The following OSBPL10 variants were observed in gnomAD, a reference collection of about 807,000 sequenced individuals.
OSBPL10 encodes oxysterol-binding protein-related protein 10.
OSBPL10 carries 49 observed loss-of-function variants against 81.7 expected under a neutral mutation model. That is an observed-to-expected ratio of 0.60 (90% CI 0.48 to 0.76). The LOEUF is 0.76. Ranked by LOEUF, OSBPL10 falls within the 30% of genes least tolerant of loss-of-function variation. The pLI, the probability that OSBPL10 is intolerant of heterozygous loss-of-function variation, is 0.00. For missense variants in OSBPL10, 923 were observed against 987.8 expected, an observed-to-expected ratio of 0.93 and a Z score of 0.88; for synonymous variants, 419 against 383.6, an observed-to-expected ratio of 1.09 and a Z score of -1.08.
intron 1 of OSBPL10, among the ~76,000 whole-genome samples, chr3:31,951,629 AAT>A (rs1697871260): frequency 6.6e-6 from 1 of 151,410 alleles, no homozygotes. Flanking sequence ...ATATTTTTCA[AAT>A]ATTAGAAAAA....
intron 4 of OSBPL10, among the ~76,000 whole-genome samples, chr3:31,784,737 C>T (rs769333716): frequency 3.9e-5 from 6 of 152,036 alleles, no homozygotes; most frequent in Admixed American, 6.6e-5. Flanking sequence ...CATGCACCAC[C>T]ATGCACAGCT....
intron 9 of OSBPL10, 105 bp from the exon 10 acceptor site, chr3:31,668,929 A>G: frequency 1.9e-6 from 2 of 1,049,642 alleles, no homozygotes; most frequent in Non-Finnish European, 1.3e-6. Context: ...CAGAAATGGG[A>G]AGGAGGGATT....
At chr3:31,833,735 ACACTCT>A (rs1057175546) in intron 3 of OSBPL10, among the ~76,000 whole-genome samples, 1 of 149,654 alleles carries the variant, frequency 6.7e-6, no homozygotes, top group African/African-American at 2.5e-5. Context: ...ACACACACAC[ACACTCT>A]CTCTCTCTTC....
chr3:31,880,011 C>G (rs1329516294), intron 1 of OSBPL10, among the ~76,000 whole-genome samples, 181 bp from the exon 2 acceptor site: 2 of 152,322 alleles, frequency 1.3e-5, no homozygotes, highest in African/African-American at 4.8e-5. Context: ...GCACTGGATT[C>G]TTAAATCAGA....
intron 4 of OSBPL10, among the ~76,000 whole-genome samples, chr3:31,753,644 A>G (rs978726766): frequency 1.3e-5 from 2 of 152,154 alleles, no homozygotes; most frequent in Non-Finnish European, 2.9e-5. Context: ...TCATTACAGG[A>G]ACTTCCCCAA....
chr3:31,835,361 C>T (rs567255658), intron 3 of OSBPL10, among the ~76,000 whole-genome samples: 1 of 147,478 alleles, frequency 6.8e-6, no homozygotes, highest in South Asian at 2.3e-4. Context: ...AACAAAGTTC[C>T]AAATAGAAAA....
chr3:32,069,454 T>C (rs998093015), intron 1 of OSBPL10, among the ~76,000 whole-genome samples: 4 of 152,138 alleles, frequency 2.6e-5, no homozygotes, highest in South Asian at 2.1e-4. Flanking sequence ...AGGCAGCTTA[T>C]AAGCTGTTAA....
chr3:31,751,014 A>G (rs1697699366), intron 4 of OSBPL10, among the ~76,000 whole-genome samples: 1 of 152,086 alleles, frequency 6.6e-6, no homozygotes, highest in African/African-American at 2.4e-5. Context: ...GCTCTCTAAA[A>G]AAGCATTCAG....
At chr3:31,702,598 A>C (rs1262327678) in intron 6 of OSBPL10, 90 bp from the exon 7 acceptor site, 2 of 1,547,212 alleles carry the variant, frequency 1.3e-6, no homozygotes, top group East Asian at 4.5e-5. Flanking sequence ...CAATGACAGA[A>C]GAAACCCAAT....
At chr3:31,666,558 C>A (rs866786025) in intron 10 of OSBPL10, among the ~76,000 whole-genome samples, 41 of 152,150 alleles carry the variant, frequency 2.7e-4, no homozygotes, top group Middle Eastern at 3.2e-3. Context: ...ACCAGCCACT[C>A]CACTCCTCAA....
chr3:31,995,149 T>C (rs1436822838), intron 2 of OSBPL10, among the ~76,000 whole-genome samples: 2 of 152,218 alleles, frequency 1.3e-5, no homozygotes, highest in African/African-American at 4.8e-5. Flanking sequence ...GTGCACGTAT[T>C]GTCTTGATAA....
chr3:31,670,234 C>A (rs372770152), intron 9 of OSBPL10, among the ~76,000 whole-genome samples: 1 of 152,172 alleles, frequency 6.6e-6, no homozygotes, highest in South Asian at 2.1e-4. Flanking sequence ...TTTGTTTGTA[C>A]AGTATATCTT....
intron 8 of OSBPL10, among the ~76,000 whole-genome samples, chr3:31,672,146 T>C (rs1700338388): frequency 6.6e-6 from 1 of 151,826 alleles, no homozygotes; most frequent in African/African-American, 2.4e-5. Flanking sequence ...GGTCAATGGC[T>C]CCCACATGAG....
intron 6 of OSBPL10, among the ~76,000 whole-genome samples, chr3:31,708,338 T>C (rs971890686): frequency 3.3e-5 from 5 of 152,194 alleles, no homozygotes; most frequent in Non-Finnish European, 7.3e-5. Context: ...TTCCAATATG[T>C]ACAGCATATT....
intron 1 of OSBPL10, among the ~76,000 whole-genome samples, chr3:32,071,803 A>G (rs1278056967): frequency 6.6e-6 from 1 of 152,158 alleles, no homozygotes; most frequent in Non-Finnish European, 1.5e-5. Context: ...CCAGACTTCA[A>G]TCCAGCCTCC....
intron 1 of OSBPL10, among the ~76,000 whole-genome samples, chr3:32,072,228 A>G (rs989547848): frequency 7.2e-5 from 11 of 152,240 alleles, no homozygotes; most frequent in African/African-American, 2.4e-4. Context: ...TTTAATAAAA[A>G]TGCTTCTCAA....
At chr3:31,972,549 A>C (rs1698593878) in intron 1 of OSBPL10, among the ~76,000 whole-genome samples, 1 of 152,158 alleles carries the variant, frequency 6.6e-6, no homozygotes, top group Non-Finnish European at 1.5e-5. Flanking sequence ...CATTTGCATC[A>C]GTCACCTAAT....
chr3:31,782,629 A>G (rs2125772433), intron 4 of OSBPL10, among the ~76,000 whole-genome samples: 1 of 152,362 alleles, frequency 6.6e-6, no homozygotes, highest in South Asian at 2.1e-4. Context: ...AAGTGGGCTA[A>G]GGACATGAAT....
At chr3:31,963,829 CT>C (rs1248761613) in intron 1 of OSBPL10, among the ~76,000 whole-genome samples, 12 of 152,152 alleles carry the variant, frequency 7.9e-5, no homozygotes, top group Middle Eastern at 3.4e-3. Context: ...CTTCCACACC[CT>C]CCCAATTAGA....
Sources: gnomAD v4.1 joint callset for allele counts (sites outside exome capture counted in the v4.1 genomes callset) on GRCh38, gnomAD v4.1.1 for gene constraint, MANE v1.5 for transcripts, NCBI Gene and HGNC (gene_info 2026-07-23, HGNC 2026-07-21) for gene names.